The following ANKRD30B variants were observed in gnomAD, a reference collection of about 807,000 sequenced individuals.
The protein encoded by ANKRD30B is ankyrin repeat domain-containing protein 30B.
In ANKRD30B, 144 loss-of-function variants were observed where a neutral mutation model predicts 202.2. That is an observed-to-expected ratio of 0.71 (90% CI 0.62 to 0.82). The LOEUF (loss-of-function observed/expected upper bound fraction) is 0.82, where lower values mean the gene tolerates loss of function less well. ANKRD30B is among the 40% of genes least tolerant of loss of function. The pLI, the probability that ANKRD30B is intolerant of heterozygous loss-of-function variation, is 0.00. For missense variants in ANKRD30B, 1,487 were observed against 1,669.1 expected, an observed-to-expected ratio of 0.89 and a Z score of 1.90; for synonymous variants, 508 against 561.3, an observed-to-expected ratio of 0.91 and a Z score of 1.34.
chr18:14,916,114 G>C, the ANKRD30B span, among the ~76,000 whole-genome samples: 1 of 152,162 alleles, frequency 6.6e-6, no homozygotes, highest in Non-Finnish European at 1.5e-5. Context: ...AAATGGTTAT[G>C]CTCTTGGCTG....
At chr18:14,832,331 T>A (rs891694968) in intron 34 of ANKRD30B, among the ~76,000 whole-genome samples, 110 of 152,200 alleles carry the variant, frequency 7.2e-4, no homozygotes, top group Non-Finnish European at 1.1e-3. Flanking sequence ...AAATGAAGAA[T>A]GCAGGTTTCA....
At chr18:14,790,342 C>A (rs1968397949) in intron 15 of ANKRD30B, among the ~76,000 whole-genome samples, 1 of 152,140 alleles carries the variant, frequency 6.6e-6, no homozygotes, top group African/African-American at 2.4e-5. Context: ...CAAATAGGGA[C>A]AATTTGACTT....
the ANKRD30B span, among the ~76,000 whole-genome samples, chr18:14,936,440 A>G: frequency 6.6e-6 from 1 of 151,980 alleles, no homozygotes; most frequent in Non-Finnish European, 1.5e-5. Flanking sequence ...AAGCCCTGCA[A>G]TCTGCTGGCC....
intron 15 of ANKRD30B, among the ~76,000 whole-genome samples, chr18:14,787,328 T>C (rs976830432): frequency 6.6e-6 from 1 of 152,186 alleles, no homozygotes; most frequent in African/African-American, 2.4e-5. Flanking sequence ...TGTGGTATAG[T>C]GTAAAAAATA....
At chr18:14,913,470 A>G in the ANKRD30B span, among the ~76,000 whole-genome samples, 1 of 152,198 alleles carries the variant, frequency 6.6e-6, no homozygotes, top group African/African-American at 2.4e-5. Context: ...ATTCAAATAT[A>G]TTAAGATAAT....
the ANKRD30B span, among the ~76,000 whole-genome samples, chr18:14,925,630 C>T: frequency 6.6e-6 from 1 of 152,202 alleles, no homozygotes; most frequent in Admixed American, 6.5e-5. Flanking sequence ...AGAGTGTATT[C>T]GGCCCTGGCC....
chr18:14,929,422 C>A, the ANKRD30B span, among the ~76,000 whole-genome samples: 1 of 152,180 alleles, frequency 6.6e-6, no homozygotes, highest in Non-Finnish European at 1.5e-5. Context: ...AGGAGGTCTT[C>A]CCCACTAGAC....
intron 9 of ANKRD30B, among the ~76,000 whole-genome samples, chr18:14,775,283 G>A (rs1158625561): frequency 2.0e-5 from 3 of 152,192 alleles, no homozygotes; most frequent in African/African-American, 7.2e-5. Context: ...AGAAAATAAG[G>A]CTTAGAAGGC....
chr18:14,904,314 T>G, the ANKRD30B span, among the ~76,000 whole-genome samples: 1 of 152,232 alleles, frequency 6.6e-6, no homozygotes, highest in African/African-American at 2.4e-5. Context: ...TTCTGAGGCT[T>G]GATGGGAATG....
chr18:14,891,866 T>A, the ANKRD30B span, among the ~76,000 whole-genome samples: 3 of 152,368 alleles, frequency 2.0e-5, no homozygotes, highest in Middle Eastern at 3.4e-3. Flanking sequence ...AGAAGAATAC[T>A]ATTAGGTTAA....
chr18:14,885,373 A>G, the ANKRD30B span, among the ~76,000 whole-genome samples: 4 of 152,162 alleles, frequency 2.6e-5, no homozygotes, highest in African/African-American at 4.8e-5. Context: ...TGAGGTATCA[A>G]TTTTGCTTAC....
chr18:14,832,783 T>C (rs1971008984), intron 34 of ANKRD30B, among the ~76,000 whole-genome samples: 1 of 152,238 alleles, frequency 6.6e-6, no homozygotes, highest in Non-Finnish European at 1.5e-5. Context: ...TAATGTGCGT[T>C]ATCTTGAGAA....
intron 3 of ANKRD30B, 77 bp from the exon 4 acceptor site, chr18:14,754,822 G>A: frequency 2.0e-6 from 2 of 987,648 alleles, no homozygotes; most frequent in Non-Finnish European, 2.8e-6. Context: ...TAAGTTAATA[G>A]GATATAATAT....
intron 3 of ANKRD30B, 26 bp downstream of exon 3, chr18:14,753,038 A>T (rs780091376): frequency 1.4e-5 from 21 of 1,512,556 alleles, no homozygotes. Context: ...TGTTATTTTC[A>T]AAATATTTGA....
intron 3 of ANKRD30B, 114 bp from the exon 4 acceptor site, chr18:14,754,785 A>G (rs1914063848): frequency 1.5e-6 from 1 of 668,892 alleles, no homozygotes; most frequent in South Asian, 4.5e-5. Flanking sequence ...CTATTGATTT[A>G]CTTATTTACT....
chr18:14,874,680 C>T, the ANKRD30B span, among the ~76,000 whole-genome samples: 1 of 152,248 alleles, frequency 6.6e-6, no homozygotes, highest in African/African-American at 2.4e-5. Context: ...GGCCACCCTC[C>T]CGAAGTTGTG....
Position 14,772,227 on chromosome 18 carries a change from A to T in ANKRD30B, c.1328A>T (p.Lys443Met), listed in dbSNP as rs752119811. ...KVEEDFNLAT[K>M]IISKSAAQNY... ...GAGGAAGACTTTAATCTTGCTACCAAGGTAAAATGTTCTTTTGTGAAGTTG... is the reference window on the plus strand; with the variant it reads ...GAGGAAGACTTTAATCTTGCTACCATGGTAAAATGTTCTTTTGTGAAGTTG... Residue 443 changes from lysine (K) to methionine (M), a missense_variant and splice_region_variant, in exon 9 of 44, where the codon AAG (lysine) becomes ATG (methionine). Transcript: ENST00000690538. 3.4e-6 allele frequency: 5 copies of T among 1,492,384 alleles called. No individual in the cohort carries two copies. In the Admixed American group the frequency reaches 1.1e-4, roughly 32 times the overall value. The allele number at this position is 1,492,384 out of a possible 1,614,324, so 92.4% of individuals were successfully genotyped here.
chr18:14,797,748 A>G (rs747676874), intron 19 of ANKRD30B, 34 bp from the exon 20 acceptor site: 1 of 1,597,864 alleles, frequency 6.3e-7, no homozygotes, highest in Non-Finnish European at 8.5e-7. Flanking sequence ...AGTGTACATT[A>G]TATATTAATT....
chr18:14,910,089 T>G, the ANKRD30B span: 2 of 152,206 alleles, frequency 1.3e-5, no homozygotes, highest in Non-Finnish European at 2.9e-5. Flanking sequence ...TAAATAAAAT[T>G]TTTAAATTTC....
Sources: allele counts gnomAD v4.1 joint callset (sites outside exome capture counted in the v4.1 genomes callset), GRCh38; gene constraint gnomAD v4.1.1; transcripts MANE v1.5; gene names NCBI Gene and HGNC (gene_info 2026-07-23, HGNC 2026-07-21).